The following CDH13 variants were observed in gnomAD, a reference collection of about 807,000 sequenced individuals.
CDH13 encodes cadherin 13, also known as cadherin-13.
A neutral mutation model predicts 63.8 loss-of-function variants in CDH13; 24 were observed. The observed-to-expected ratio is 0.38, with a 90% CI of 0.27 to 0.53. CDH13 has a LOEUF of 0.53. Among genes scored for constraint, CDH13 ranks in the 20% least tolerant of loss-of-function variants. The pLI, the probability that CDH13 is intolerant of heterozygous loss-of-function variation, is 0.85. For synonymous variants in CDH13, 503 were observed against 355.3 expected (o/e 1.42, Z -4.67); for missense variants, 1,049 against 903.1 (o/e 1.16, Z -2.07).
Position 83,780,055 on chromosome 16 carries a change from C to G in CDH13, c.1769C>G (p.Ala590Gly). ...DNAPFIYPTV[A>G]EVCDDAKNLS... ...GCCCCGTTCATTTACCCCACAGTAG[C>G]TGAAGTCTGTGATGATGCCAAAAAC... Residue 590 changes from alanine to glycine, a missense_variant, in exon 12 of 14, where the codon GCT (alanine) becomes GGT (glycine). By Grantham distance (60) the Ala-to-Gly change is moderately conservative (BLOSUM62 0). Coordinates refer to ENST00000567109, the MANE Select transcript of CDH13 (RefSeq NM_001257.5). The G allele has an allele frequency of 7.4e-6, 12 of 1,613,924 alleles. No homozygotes were observed. Among genetic ancestry groups the G allele is most frequent in the Non-Finnish European group, 1.0e-5 (12 of 1,179,844 alleles).
At chr16:83,551,043 C>T (rs1008525105) in intron 7 of CDH13, among the ~76,000 whole-genome samples, 14 of 87,802 alleles carry the variant, frequency 1.6e-4, no homozygotes, top group African/African-American at 5.2e-4. Flanking sequence ...TCCATGGCCC[C>T]CTTAAGTCAT....
intron 1 of CDH13, among the ~76,000 whole-genome samples, chr16:82,631,175 T>A (rs1907964497): frequency 1.3e-5 from 2 of 152,238 alleles, no homozygotes; most frequent in South Asian, 4.1e-4. Flanking sequence ...AATTCATTCT[T>A]TGACTCTGTA....
intron 4 of CDH13, among the ~76,000 whole-genome samples, chr16:83,146,882 G>A (rs1024715503): frequency 2.6e-5 from 4 of 152,238 alleles, no homozygotes; most frequent in African/African-American, 9.6e-5. Flanking sequence ...GAGGTCAGGA[G>A]TTCGAAGTTA....
chr16:83,137,823 A>G (rs2036360366), intron 4 of CDH13, among the ~76,000 whole-genome samples: 1 of 152,022 alleles, frequency 6.6e-6, no homozygotes, highest in Non-Finnish European at 1.5e-5. Context: ...TTGAAGTAGA[A>G]CTGGATGGAG....
At chr16:82,912,279 C>G (rs371247620) in intron 2 of CDH13, among the ~76,000 whole-genome samples, 1 of 151,290 alleles carries the variant, frequency 6.6e-6, no homozygotes, top group Non-Finnish European at 1.5e-5. Context: ...GGAGTGAGCA[C>G]GAATGGACTC....
At chr16:83,413,101 C>T (rs796942926) in intron 6 of CDH13, among the ~76,000 whole-genome samples, 7 of 152,246 alleles carry the variant, frequency 4.6e-5, no homozygotes, top group African/African-American at 1.7e-4. Context: ...AGTGGTAATG[C>T]CATTTCACAG....
chr16:82,899,430 C>T (rs763299266), intron 2 of CDH13, among the ~76,000 whole-genome samples: 4 of 152,182 alleles, frequency 2.6e-5, no homozygotes, highest in African/African-American at 7.2e-5. Context: ...TGAAAGGTAT[C>T]ATAAAATGGC....
intron 7 of CDH13, among the ~76,000 whole-genome samples, chr16:83,553,078 C>CAA (rs55928810): frequency 1.5e-5 from 2 of 134,304 alleles, no homozygotes; most frequent in Admixed American, 7.4e-5. Flanking sequence ...GACTCCATCT[C>CAA]AAAAAAAAAA....
intron 1 of CDH13, among the ~76,000 whole-genome samples, chr16:82,655,349 G>A (rs1239636066): frequency 3.3e-5 from 5 of 152,186 alleles, no homozygotes; most frequent in Non-Finnish European, 7.4e-5. Flanking sequence ...GGGGTGAGGG[G>A]AGGTGTCCTG....
At chr16:83,007,926 T>A (rs1913714577) in intron 2 of CDH13, among the ~76,000 whole-genome samples, 1 of 152,166 alleles carries the variant, frequency 6.6e-6, no homozygotes, top group Non-Finnish European at 1.5e-5. Context: ...CAAACAACAT[T>A]AAGTCAGGTT....
At chr16:83,133,524 A>G (rs947099214) in intron 4 of CDH13, among the ~76,000 whole-genome samples, 1 of 152,124 alleles carries the variant, frequency 6.6e-6, no homozygotes, top group Non-Finnish European at 1.5e-5. Context: ...TTTGAGACAG[A>G]GTCTTGCTCT....
chr16:83,560,243 T>G (rs537700129), intron 7 of CDH13, among the ~76,000 whole-genome samples: 1 of 152,314 alleles, frequency 6.6e-6, no homozygotes, highest in African/African-American at 2.4e-5. Flanking sequence ...GCAAAATTCT[T>G]CTCTCTTACT....
At chr16:83,328,072 G>T (rs1392590137) in intron 5 of CDH13, among the ~76,000 whole-genome samples, 1 of 150,800 alleles carries the variant, frequency 6.6e-6, no homozygotes, top group African/African-American at 2.4e-5. Flanking sequence ...GGCGGAGCTT[G>T]CAGTGAGCCG....
At chr16:83,143,096 C>T (rs903415614) in intron 4 of CDH13, among the ~76,000 whole-genome samples, 4 of 152,176 alleles carry the variant, frequency 2.6e-5, no homozygotes, top group South Asian at 2.1e-4. Flanking sequence ...AAGAGTGAAA[C>T]TCCACCTCAA....
At chr16:83,041,748 A>G (rs914318949) in intron 3 of CDH13, among the ~76,000 whole-genome samples, 3 of 152,320 alleles carry the variant, frequency 2.0e-5, no homozygotes, top group South Asian at 2.1e-4. Context: ...TTTCAGCCAC[A>G]TGATACTGAA....
intron 2 of CDH13, among the ~76,000 whole-genome samples, chr16:83,021,367 A>C (rs988745518): frequency 2.0e-5 from 3 of 152,234 alleles, no homozygotes; most frequent in Non-Finnish European, 4.4e-5. Context: ...ACCATGGGAT[A>C]GATGATGCAT....
intron 2 of CDH13, among the ~76,000 whole-genome samples, chr16:82,982,306 G>A (rs901772989): frequency 1.2e-4 from 18 of 151,988 alleles, no homozygotes; most frequent in African/African-American, 4.1e-4. Flanking sequence ...TCTACAAGTT[G>A]ACATTTTCCA....
chr16:83,784,388 T>G (rs530756265), intron 13 of CDH13, among the ~76,000 whole-genome samples: 4 of 152,000 alleles, frequency 2.6e-5, no homozygotes, highest in African/African-American at 9.7e-5. Context: ...TCCCACCACT[T>G]TGGGAGGTCG....
At chr16:83,785,439 C>T (rs891761183) in intron 13 of CDH13, among the ~76,000 whole-genome samples, 4 of 152,198 alleles carry the variant, frequency 2.6e-5, no homozygotes, top group Admixed American at 2.0e-4. Flanking sequence ...GGCCCACCCT[C>T]GTAGTACCAT....
Sources: gnomAD v4.1 joint callset for allele counts (sites outside exome capture counted in the v4.1 genomes callset) on GRCh38, gnomAD v4.1.1 for gene constraint, MANE v1.5 for transcripts, NCBI Gene and HGNC (gene_info 2026-07-23, HGNC 2026-07-21) for gene names.